CNTNAP2: variants seen among roughly 807,000 people sequenced by gnomAD.
The protein encoded by CNTNAP2 is contactin-associated protein-like 2.
A neutral mutation model predicts 155.2 loss-of-function variants in CNTNAP2; 98 were observed. The ratio of observed to expected loss-of-function variants is 0.63; its 90% CI spans 0.54 to 0.75. The LOEUF is 0.75. Ranked by LOEUF, CNTNAP2 falls within the 30% of genes least tolerant of loss-of-function variation. The probability of loss-of-function intolerance (pLI) is 0.00; values close to 1 mark genes in which losing one functional copy is unlikely to be tolerated. For synonymous variants in CNTNAP2, 651 were observed against 631.2 expected (o/e 1.03, Z -0.47); for missense variants, 1,727 against 1,688.1 (o/e 1.02, Z -0.40).
rs34093586 is a variant in CNTNAP2 at position 147,985,407 on chromosome 7, CTT to C, written c.2383+7436_2383+7437del. On this transcript the variant is annotated intron_variant, in intron 15 of 23. Coordinates refer to ENST00000361727, the MANE Select transcript of CNTNAP2 (RefSeq NM_014141.6). ...TCTTGGGAGTTGATTTATGTTTTTA[CTT>C]TTTTTTTTTTTTTTTTTGCGAATCT... Among the ~76,000 whole-genome samples, 1,028 of 108,060 alleles carry C rather than the reference CTT, an allele frequency of 9.5e-3. 12 individuals are homozygous for C. Among genetic ancestry groups the C allele is most frequent in the Non-Finnish European group, 0.014 (806 of 58,336 alleles). The allele number at this position is 108,060 out of a possible 152,430, so 70.9% of individuals were successfully genotyped here. A position where few individuals can be genotyped will look rare whatever the true frequency, so the allele number is the denominator to read the frequency against.
intron 1 of CNTNAP2, among the ~76,000 whole-genome samples, chr7:146,403,719 A>T (rs961509959): frequency 6.6e-6 from 1 of 152,202 alleles, no homozygotes; most frequent in Non-Finnish European, 1.5e-5. Context: ...CTTAATAAAC[A>T]ACAATAATGT....
At chr7:146,701,166 CA>C (rs1800871786) in intron 1 of CNTNAP2, among the ~76,000 whole-genome samples, 1 of 152,130 alleles carries the variant, frequency 6.6e-6, no homozygotes, top group Admixed American at 6.6e-5. Context: ...AGATATTTTT[CA>C]GTTAAACAAT....
At chr7:146,283,528 T>A (rs1222938595) in intron 1 of CNTNAP2, among the ~76,000 whole-genome samples, 1 of 152,204 alleles carries the variant, frequency 6.6e-6, no homozygotes, top group Non-Finnish European at 1.5e-5. Context: ...CCACTGTGCC[T>A]GGCTGGTTCC....
At chr7:148,084,882 G>A (rs933871651) in intron 15 of CNTNAP2, among the ~76,000 whole-genome samples, 3 of 152,146 alleles carry the variant, frequency 2.0e-5, no homozygotes, top group South Asian at 4.1e-4. Flanking sequence ...CAAGTGTAAT[G>A]GGAAAACAAG....
At chr7:146,664,732 T>C (rs1306306123) in intron 1 of CNTNAP2, among the ~76,000 whole-genome samples, 1 of 152,180 alleles carries the variant, frequency 6.6e-6, no homozygotes, top group Non-Finnish European at 1.5e-5. Context: ...CTTCCTTCAG[T>C]GTTGGAAAAA....
At chr7:147,827,167 T>C (rs1448797475) in intron 13 of CNTNAP2, among the ~76,000 whole-genome samples, 1 of 152,142 alleles carries the variant, frequency 6.6e-6, no homozygotes, top group Non-Finnish European at 1.5e-5. Flanking sequence ...TAATACATTT[T>C]AAGGACTGAA....
intron 8 of CNTNAP2, among the ~76,000 whole-genome samples, chr7:147,162,575 T>C (rs142471326): frequency 3.0e-4 from 46 of 152,274 alleles, no homozygotes; most frequent in Non-Finnish European, 4.4e-4. Context: ...TACACAGTAT[T>C]TACTGCCCAC....
At chr7:147,442,817 G>A (rs1584950769) in intron 10 of CNTNAP2, among the ~76,000 whole-genome samples, 5 of 152,114 alleles carry the variant, frequency 3.3e-5, no homozygotes, top group Non-Finnish European at 7.3e-5. Context: ...GTAGGGCCTG[G>A]AAAGGGGGCC....
chr7:146,866,752 G>C (rs1304412599), intron 3 of CNTNAP2, among the ~76,000 whole-genome samples: 1 of 152,034 alleles, frequency 6.6e-6, no homozygotes, highest in South Asian at 2.1e-4. Context: ...AACATTATTT[G>C]TAATAGAGCA....
chr7:146,829,043 T>C (rs866003417), intron 2 of CNTNAP2, among the ~76,000 whole-genome samples: 23 of 152,172 alleles, frequency 1.5e-4, no homozygotes, highest in Admixed American at 6.6e-4. Flanking sequence ...TCTTGTCTCT[T>C]ATAATCTTAG....
intron 3 of CNTNAP2, among the ~76,000 whole-genome samples, chr7:146,957,249 C>G (rs1273577817): frequency 6.6e-6 from 1 of 152,100 alleles, no homozygotes; most frequent in African/African-American, 2.4e-5. Flanking sequence ...ATTAATATAT[C>G]TAAGCATATC....
intron 13 of CNTNAP2, among the ~76,000 whole-genome samples, chr7:147,754,033 G>A (rs768495460): frequency 2.0e-5 from 3 of 151,884 alleles, no homozygotes; most frequent in Non-Finnish European, 2.9e-5. Context: ...TGCAGCCCTC[G>A]TTTCAGCTCT....
chr7:146,304,155 A>G (rs111774667), intron 1 of CNTNAP2, among the ~76,000 whole-genome samples: 20,863 of 142,196 alleles, frequency 0.15, 3,865 homozygotes, highest in African/African-American at 0.44. Context: ...TTTTGAGCCT[A>G]TGTGTGTCTC....
At chr7:146,697,191 A>C (rs1337527789) in intron 1 of CNTNAP2, among the ~76,000 whole-genome samples, 1 of 152,152 alleles carries the variant, frequency 6.6e-6, no homozygotes, top group African/African-American at 2.4e-5. Context: ...AGACACAATA[A>C]GGATTATTCT....
At position 147,007,542 on chromosome 7, in the gene CNTNAP2, C is replaced by G. The variant is rs191137708; in HGVS notation, c.403-36365C>G. Among the ~76,000 whole-genome samples the G allele has an allele frequency of 2.4e-3, 358 of 152,114 alleles. 3 individuals are homozygous for G. Among genetic ancestry groups the G allele is most frequent in the African/African-American group, 8.2e-3 (342 of 41,506 alleles). On this transcript the variant is annotated intron_variant, in intron 3 of 23. Transcript: ENST00000361727. ...TTATATTATTGAATTTCATTAACTT[C>G]ATCAGATTAATGTAAATTAAATATC...
In CNTNAP2 at chr7:147,799,527, TA is replaced by T. The variant is rs146931858; in HGVS notation, c.2099-104033del. On this transcript the variant is annotated intron_variant, in intron 13 of 23. Transcript: ENST00000361727. ...TATTTGTTATGTCTACAAAGCATTG[TA>T]AAAATGTATATTAAATTTAAAAAAA... Among the ~76,000 whole-genome samples the T allele has an allele frequency of 8.8e-3, 1,344 of 152,272 alleles. 24 individuals carry two copies. The highest frequency in any genetic ancestry group is 0.031 in the African/African-American group (1,275 of 41,540).
chr7:147,652,415 T>C (rs1024250914), intron 13 of CNTNAP2, among the ~76,000 whole-genome samples: 1 of 152,190 alleles, frequency 6.6e-6, no homozygotes, highest in Non-Finnish European at 1.5e-5. Context: ...TCTAGATAAC[T>C]AATGCTTAAT....
chr7:147,381,223 C>T (rs1197499381), intron 9 of CNTNAP2, among the ~76,000 whole-genome samples: 1 of 152,084 alleles, frequency 6.6e-6, no homozygotes, highest in African/African-American at 2.4e-5. Flanking sequence ...TCCTGCCTTA[C>T]AAATGAAAAC....
At chr7:147,712,405 G>A (rs192919129) in intron 13 of CNTNAP2, among the ~76,000 whole-genome samples, 218 of 152,210 alleles carry the variant, frequency 1.4e-3, no homozygotes, top group Middle Eastern at 3.4e-3. Flanking sequence ...GACATATACC[G>A]AAAGGATTAT....
Sources: allele counts gnomAD v4.1 joint callset (sites outside exome capture counted in the v4.1 genomes callset), GRCh38; gene constraint gnomAD v4.1.1; transcripts MANE v1.5; gene names NCBI Gene and HGNC (gene_info 2026-07-23, HGNC 2026-07-21).